NUAK1: variants seen among roughly 807,000 people sequenced by gnomAD.
The protein encoded by NUAK1 is NUAK family SNF1-like kinase 1.
NUAK1 carries 26 observed loss-of-function variants against 56.9 expected under a neutral mutation model. The ratio of observed to expected loss-of-function variants is 0.46; its 90% CI spans 0.33 to 0.63. NUAK1 has a LOEUF of 0.63. NUAK1 is among the 30% of genes least tolerant of loss of function. The probability of loss-of-function intolerance (pLI) is 0.02; values close to 1 mark genes in which losing one functional copy is unlikely to be tolerated. For missense variants in NUAK1, 727 were observed against 876.1 expected (o/e 0.83, Z 2.15); for synonymous variants, 337 against 336.0 (o/e 1.00, Z -0.03).
chr12:106,106,550 T>A (rs1565924689), intron 1 of NUAK1, 25 bp from the exon 2 acceptor site: 2 of 1,607,034 alleles, frequency 1.2e-6, no homozygotes, highest in Non-Finnish European at 1.7e-6. Context: ...AATGAAATGT[T>A]ATTCAGAGAG....
intron 1 of NUAK1, among the ~76,000 whole-genome samples, chr12:106,131,337 C>CTACTCCCAATT (rs2033077705): frequency 6.6e-6 from 1 of 152,140 alleles, no homozygotes; most frequent in Admixed American, 6.5e-5. Flanking sequence ...CCATTAGCAG[C>CTACTCCCAATT]TACTCCCAAT....
At chr12:106,132,652 A>T (rs1023804974) in intron 1 of NUAK1, among the ~76,000 whole-genome samples, 1 of 152,146 alleles carries the variant, frequency 6.6e-6, no homozygotes. Flanking sequence ...CCAGGTGAAG[A>T]GCTCCCTGAC....
In NUAK1 at chr12:106,065,922, G is replaced by C. The variant is rs1391137612; in HGVS notation, c.*880C>G. ...CTCTGACACCATCATCTTTCTCCCT[G>C]TCCACCCTCAAGAGGTTGTGCTGTA... On this transcript the variant is annotated 3_prime_UTR_variant, in exon 7 of 7. Transcript: ENST00000261402. The C allele has an allele frequency of 6.6e-6, 1 of 152,456 alleles. No homozygotes were observed. Among genetic ancestry groups the C allele is most frequent in the Non-Finnish European group, 1.5e-5 (1 of 68,076 alleles). 9.4% of individuals were successfully genotyped at this position (152,456 alleles called of 1,614,324 possible).
At chr12:106,078,243 T>C in intron 4 of NUAK1, among the ~76,000 whole-genome samples, 1 of 152,208 alleles carries the variant, frequency 6.6e-6, no homozygotes. Context: ...AAAATAAAAG[T>C]AACAGTAGCA....
At chr12:106,089,823 C>T (rs913083758) in intron 2 of NUAK1, among the ~76,000 whole-genome samples, 1 of 152,090 alleles carries the variant, frequency 6.6e-6, no homozygotes, top group African/African-American at 2.4e-5. Context: ...GATCTGTCCA[C>T]CTGTCTCACC....
chr12:106,077,731 A>C (rs889102988), intron 4 of NUAK1, among the ~76,000 whole-genome samples: 1 of 152,222 alleles, frequency 6.6e-6, no homozygotes, highest in African/African-American at 2.4e-5. Flanking sequence ...TGAGACACTC[A>C]GGCCCTGCCC....
rs2033157186 is a variant in NUAK1 at position 106,138,845 on chromosome 12, G to A, written c.-192C>T. On this transcript the variant is annotated 5_prime_UTR_variant, in exon 1 of 7. Coordinates refer to ENST00000261402, the MANE Select transcript of NUAK1 (RefSeq NM_014840.3). The surrounding 1 kb of genome is among the most constrained non-coding windows in gnomAD (Gnocchi z 5.0). Reference sequence around the variant, plus strand: ...GGACTGCACATCTGGCGCCCGCGGCGCGCACGGTCCGCGCACCGCCCCCCG... The same window carrying A: ...GGACTGCACATCTGGCGCCCGCGGCACGCACGGTCCGCGCACCGCCCCCCG... The A allele has an allele frequency of 4.3e-6, 3 of 695,238 alleles. No homozygotes were observed. The East Asian group carries it at 1.1e-4, about 25-fold the overall frequency. The allele number at this position is 695,238 out of a possible 1,614,324, so 43.1% of individuals were successfully genotyped here.
Position 106,083,786 on chromosome 12 carries a change from C to A in NUAK1, c.579+78G>T, listed in dbSNP as rs767349712. Reference sequence around the variant, plus strand: ...AAGTGGCTGCCTTATTTCCAGGCTGCGGCTTGGAGCAGGTTAAGCCTCCAT... The same window carrying A: ...AAGTGGCTGCCTTATTTCCAGGCTGAGGCTTGGAGCAGGTTAAGCCTCCAT... On this transcript the variant is annotated intron_variant, in intron 4 of 6. Transcript: ENST00000261402. The A allele has an allele frequency of 3.3e-5, 42 of 1,270,702 alleles. No individual in the cohort carries two copies. In the African/African-American group the frequency reaches 5.3e-4, roughly 16 times the overall value. 78.7% of individuals were successfully genotyped at this position (1,270,702 alleles called of 1,614,324 possible). A position where few individuals can be genotyped will look rare whatever the true frequency, so the allele number is the denominator to read the frequency against.
In NUAK1 at chr12:106,099,769, C is replaced by T. The variant is rs189758581; in HGVS notation, c.361+6636G>A. ...GCCCAAGGTAAACACTCAATAACTC[C>T]TAGCTATTATTAGTACTATTTTATT... is the stretch of plus-strand genomic sequence containing the variant. On this transcript the variant is annotated intron_variant, in intron 2 of 6. Transcript: ENST00000261402. Among the ~76,000 whole-genome samples, 125 of 151,966 alleles carry T rather than the reference C, an allele frequency of 8.2e-4. 1 individual carries two copies. The East Asian group carries it at 0.017, about 21-fold the overall frequency.
chr12:106,087,056 C>T (rs1372093667), intron 2 of NUAK1, 171 bp from the exon 3 acceptor site: 9 of 681,102 alleles, frequency 1.3e-5, no homozygotes, highest in East Asian at 5.7e-5. Context: ...CGTGCTGTCC[C>T]GCCAGGTGGA....
intron 1 of NUAK1, among the ~76,000 whole-genome samples, chr12:106,134,073 C>G (rs12302532): frequency 0.034 from 5,117 of 152,272 alleles, 96 homozygotes; most frequent in Middle Eastern, 0.044. Context: ...TGGAAAAATA[C>G]CAAACCAAGA....
At chr12:106,100,002 G>C (rs2032732051) in intron 2 of NUAK1, among the ~76,000 whole-genome samples, 1 of 141,446 alleles carries the variant, frequency 7.1e-6, no homozygotes, top group Non-Finnish European at 1.5e-5. Flanking sequence ...ATGTTGCCCA[G>C]GCTGGTCTCG....
chr12:106,065,812 C>T lies in NUAK1; in HGVS notation c.*990G>A, dbSNP rs1184108353. ...TATTGAGAAAGAAAGTGACAAGTTGCCTCTTGTTGGTGTGCATCAACTTCC... is the reference window on the plus strand; with the variant it reads ...TATTGAGAAAGAAAGTGACAAGTTGTCTCTTGTTGGTGTGCATCAACTTCC... On this transcript the variant is annotated 3_prime_UTR_variant, in exon 7 of 7. Transcript: ENST00000261402. 1.3e-5 allele frequency: 2 copies of T among 152,660 alleles called. No homozygotes were observed. Among genetic ancestry groups the T allele is most frequent in the Non-Finnish European group, 2.9e-5 (2 of 68,054 alleles). 9.5% of individuals were successfully genotyped at this position (152,660 alleles called of 1,614,324 possible). A position where few individuals can be genotyped will look rare whatever the true frequency, so the allele number is the denominator to read the frequency against.
intron 1 of NUAK1, among the ~76,000 whole-genome samples, chr12:106,136,161 T>C (rs1173698260): frequency 6.6e-6 from 1 of 152,164 alleles, no homozygotes; most frequent in African/African-American, 2.4e-5. Flanking sequence ...AGCAGCCCCA[T>C]GAATAAACGA....
Position 106,138,675 on chromosome 12 carries a change from G to C in NUAK1, c.-22C>G, listed in dbSNP as rs2033154831. On this transcript the variant is annotated 5_prime_UTR_variant, in exon 1 of 7. Coordinates refer to ENST00000261402, the MANE Select transcript of NUAK1 (RefSeq NM_014840.3). This position sits in a 1 kb window ranked among gnomAD's most constrained non-coding sequence, Gnocchi z 5.0. ...CCATGTCCAAGCGCGGGGCGAGCCG[G>C]GCTACAGAGGGCAAGACCGGGCACA... 6 of 1,495,170 alleles carry C rather than the reference G, an allele frequency of 4.0e-6. No homozygotes were observed. The highest frequency in any genetic ancestry group is 5.3e-6 in the Non-Finnish European group (6 of 1,132,224). 92.6% of individuals were successfully genotyped at this position (1,495,170 alleles called of 1,614,324 possible).
At chr12:106,121,403 A>G (rs866088689) in intron 1 of NUAK1, among the ~76,000 whole-genome samples, 1 of 152,138 alleles carries the variant, frequency 6.6e-6, no homozygotes, top group African/African-American at 2.4e-5. Flanking sequence ...GTGGGTCAGG[A>G]GTTCGAAGCA....
At chr12:106,068,481 C>T (rs2032368811) in intron 6 of NUAK1, among the ~76,000 whole-genome samples, 1 of 152,216 alleles carries the variant, frequency 6.6e-6, no homozygotes, top group Admixed American at 6.5e-5. Flanking sequence ...CCTGGAACAC[C>T]TGGGCAGTAA....
chr12:106,072,657 G>T, intron 5 of NUAK1, 67 bp downstream of exon 5: 2 of 1,517,048 alleles, frequency 1.3e-6, no homozygotes, highest in African/African-American at 1.4e-5. Context: ...CTCGAATCCA[G>T]TTTTTGCCCT....
intron 2 of NUAK1, among the ~76,000 whole-genome samples, chr12:106,094,005 C>T (rs879298625): frequency 2.0e-5 from 3 of 151,704 alleles, no homozygotes; most frequent in Non-Finnish European, 2.9e-5. Flanking sequence ...GACAGGGTTT[C>T]GCCATGTTGC....
Sources: allele counts gnomAD v4.1 joint callset (sites outside exome capture counted in the v4.1 genomes callset), GRCh38; gene constraint gnomAD v4.1.1; non-coding constraint Gnocchi (gnomAD v3.1); transcripts MANE v1.5; gene names NCBI Gene and HGNC (gene_info 2026-07-23, HGNC 2026-07-21).